The following DDX10 variants were observed in gnomAD, a reference collection of about 807,000 sequenced individuals.
DDX10 encodes DEAD-box helicase 10.
Under a neutral mutation model 104.3 loss-of-function variants are expected in DDX10, and 74 were observed. That is an observed-to-expected ratio of 0.71 (90% CI 0.59 to 0.86). DDX10 has a LOEUF of 0.86. DDX10 is among the 40% of genes least tolerant of loss of function. DDX10 has a pLI of 0.00. For missense variants in DDX10, 952 were observed against 1,040.0 expected (o/e 0.92, Z 1.16); for synonymous variants, 351 against 353.4 (o/e 0.99, Z 0.08).
At chr11:108,882,936 C>G (rs937802803) in intron 16 of DDX10, among the ~76,000 whole-genome samples, 2 of 152,138 alleles carry the variant, frequency 1.3e-5, no homozygotes, top group Admixed American at 6.5e-5. Flanking sequence ...ATCCAAAGTT[C>G]TGTTATTCAA....
chr11:108,825,557 A>C (rs1417266563), intron 13 of DDX10, among the ~76,000 whole-genome samples: 1 of 152,216 alleles, frequency 6.6e-6, no homozygotes, highest in Non-Finnish European at 1.5e-5. Context: ...AGATCACTGC[A>C]TATCTATGTA....
intron 16 of DDX10, among the ~76,000 whole-genome samples, chr11:108,913,380 G>A (rs564408119): frequency 6.6e-6 from 1 of 152,232 alleles, no homozygotes; most frequent in East Asian, 1.9e-4. Flanking sequence ...CAATTCACAT[G>A]TGAGGCGGAG....
intron 6 of DDX10, among the ~76,000 whole-genome samples, chr11:108,686,811 G>A (rs1232900823): frequency 6.6e-6 from 1 of 152,152 alleles, no homozygotes; most frequent in Non-Finnish European, 1.5e-5. Context: ...TTGAGACAGA[G>A]TCTTGCTCTG....
intron 16 of DDX10, among the ~76,000 whole-genome samples, chr11:108,913,651 C>T (rs1349832262): frequency 2.6e-5 from 4 of 152,050 alleles, no homozygotes; most frequent in African/African-American, 7.2e-5. Flanking sequence ...GTGACTTTGC[C>T]GTCCCTATTT....
At chr11:108,699,513 T>C (rs1448373356) in intron 9 of DDX10, among the ~76,000 whole-genome samples, 2 of 152,180 alleles carry the variant, frequency 1.3e-5, no homozygotes, top group Non-Finnish European at 2.9e-5. Context: ...TTCCTTTTCA[T>C]CTGGTCTTCT....
chr11:108,748,266 G>A (rs1395939223), intron 13 of DDX10, among the ~76,000 whole-genome samples: 1 of 152,178 alleles, frequency 6.6e-6, no homozygotes, highest in Non-Finnish European at 1.5e-5. Context: ...GTCTGTCAGA[G>A]AATGAGCGGA....
intron 16 of DDX10, among the ~76,000 whole-genome samples, chr11:108,885,274 C>T (rs1863280991): frequency 1.3e-5 from 2 of 151,970 alleles, no homozygotes; most frequent in Non-Finnish European, 2.9e-5. Flanking sequence ...CTAGTAGCTC[C>T]TCATTGCACA....
intron 16 of DDX10, among the ~76,000 whole-genome samples, chr11:108,896,870 A>G (rs990848344): frequency 1.1e-4 from 16 of 151,958 alleles, no homozygotes; most frequent in Admixed American, 1.3e-4. Context: ...GACTGGGGGG[A>G]AAAAAAATCC....
chr11:108,897,392 G>C (rs1863455675), intron 16 of DDX10, among the ~76,000 whole-genome samples: 2 of 152,314 alleles, frequency 1.3e-5, no homozygotes, highest in African/African-American at 4.8e-5. Context: ...GTCCATGGAA[G>C]GGAAAAAGAT....
intron 13 of DDX10, among the ~76,000 whole-genome samples, chr11:108,819,015 G>C (rs867153040): frequency 6.6e-6 from 1 of 152,154 alleles, no homozygotes; most frequent in African/African-American, 2.4e-5. Context: ...AAGTGGCTTG[G>C]CAGTATGGTG....
At chr11:108,876,510 A>C (rs1236072163) in intron 16 of DDX10, among the ~76,000 whole-genome samples, 4 of 152,218 alleles carry the variant, frequency 2.6e-5, no homozygotes, top group African/African-American at 9.6e-5. Context: ...AATTTGGCTC[A>C]GAAAATACTT....
chr11:108,928,367 A>G (rs1289436856), intron 17 of DDX10, among the ~76,000 whole-genome samples: 1 of 152,212 alleles, frequency 6.6e-6, no homozygotes, highest in Non-Finnish European at 1.5e-5. Flanking sequence ...TCTGTTTTAC[A>G]AAAATAGTTG....
Position 108,723,171 on chromosome 11 carries a change from C to A in DDX10, c.1674C>A (p.Ile558=), listed in dbSNP as rs2094300733. Residue 558 remains isoleucine (I), a synonymous_variant, in exon 13 of 18, where the codon ATC becomes ATA. Coordinates refer to ENST00000322536, the MANE Select transcript of DDX10 (RefSeq NM_004398.4). ...FRAYFNEKMS[I]LQKGGKRLEG... is the part of the protein sequence containing the mutation. ...CCTACTTCAATGAGAAAATGTCCAT[C>A]CTTCAAAAAGGTGGAAAAAGACTCG... 1 of 1,613,724 alleles carries A rather than the reference C, an allele frequency of 6.2e-7. No homozygotes were observed. Among genetic ancestry groups the A allele is most frequent in the Non-Finnish European group, 8.5e-7 (1 of 1,179,876 alleles).
chr11:108,940,568 C>A lies in DDX10; in HGVS notation c.*145C>A. 1.4e-6 allele frequency: 1 copy of A among 719,212 alleles called. No homozygotes were observed. Among genetic ancestry groups the A allele is most frequent in the Non-Finnish European group, 2.2e-6 (1 of 450,028 alleles). 44.6% of individuals were successfully genotyped at this position (719,212 alleles called of 1,614,324 possible). A position where few individuals can be genotyped will look rare whatever the true frequency, so the allele number is the denominator to read the frequency against. ...TTCTGGATAGAAGCGATCGTATCTC[C>A]AAGTCCCTCTCACAGGACATGCTTT... On this transcript the variant is annotated 3_prime_UTR_variant, in exon 18 of 18. Coordinates refer to ENST00000322536, the MANE Select transcript of DDX10 (RefSeq NM_004398.4).
rs561274080 is a variant in DDX10, at chr11:108,768,608, TTGATGTC to T, written c.1965+45147_1965+45153del. ...AAGCATCCAAATTTTGTGGTTATCT[TTGATGTC>T]ATAAGAGCATACTTGAGGTAACTAA... On this transcript the variant is annotated intron_variant, in intron 13 of 17. Transcript: ENST00000322536. Among the ~76,000 whole-genome samples the T allele has an allele frequency of 7.2e-5, 11 of 152,310 alleles. No individual in the cohort carries two copies. The South Asian group carries it at 2.3e-3, about 32-fold the overall frequency.
At position 108,785,712 on chromosome 11, in the gene DDX10, G is replaced by A. The variant is rs181216892; in HGVS notation, c.1966-52734G>A. On this transcript the variant is annotated intron_variant, in intron 13 of 17. Coordinates refer to ENST00000322536, the MANE Select transcript of DDX10 (RefSeq NM_004398.4). ...ATTTCCTCTAGATTTTCTAATTTGT[G>A]TATGTAAAGGTGTTCATAATCGTCT... 2.7e-3 allele frequency among the ~76,000 whole-genome samples: 405 copies of A among 152,166 alleles called. 1 individual carries two copies. The highest frequency in any genetic ancestry group is 7.9e-3 in the African/African-American group (329 of 41,520).
chr11:108,709,441 A>G (rs1314043030), intron 10 of DDX10, among the ~76,000 whole-genome samples: 1 of 152,244 alleles, frequency 6.6e-6, no homozygotes, highest in Non-Finnish European at 1.5e-5. Context: ...TTGGAAGGTT[A>G]TGAATTATTG....
chr11:108,899,818 AATGTGTAGT>A (rs1863491948), intron 16 of DDX10, among the ~76,000 whole-genome samples: 1 of 152,170 alleles, frequency 6.6e-6, no homozygotes, highest in Non-Finnish European at 1.5e-5. Context: ...GCTGTTTAAA[AATGTGTAGT>A]ACCGTGTCAG....
intron 13 of DDX10, among the ~76,000 whole-genome samples, chr11:108,828,688 A>G (rs1862429963): frequency 6.6e-6 from 1 of 152,220 alleles, no homozygotes; most frequent in South Asian, 2.1e-4. Flanking sequence ...GCAGTGGCAC[A>G]ATCCTGGCTC....
Sources: allele counts gnomAD v4.1 joint callset (sites outside exome capture counted in the v4.1 genomes callset), GRCh38; gene constraint gnomAD v4.1.1; transcripts MANE v1.5; gene names NCBI Gene and HGNC (gene_info 2026-07-23, HGNC 2026-07-21).